HTR1E: variants seen among roughly 807,000 people sequenced by gnomAD.
HTR1E encodes the protein 5-hydroxytryptamine receptor 1E.
A neutral mutation model predicts 3.4 loss-of-function variants in HTR1E; 3 were observed. The observed-to-expected ratio is 0.89, with a 90% CI of 0.41 to 2.31. The LOEUF is 2.31. Among genes scored for constraint, HTR1E ranks in the 30% most tolerant of loss-of-function variants. The pLI is 0.05. For missense variants in HTR1E, 392 were observed against 467.0 expected, an observed-to-expected ratio of 0.84 and a Z score of 1.48; for synonymous variants, 170 against 182.8, an observed-to-expected ratio of 0.93 and a Z score of 0.56.
chr6:86,940,806 C>T (rs1335279847), intron 1 of HTR1E, among the ~76,000 whole-genome samples: 3 of 152,198 alleles, frequency 2.0e-5, no homozygotes, highest in Admixed American at 6.5e-5. Context: ...AAAAAATAAG[C>T]TTGAGACTGA....
rs147092612 is a variant in HTR1E, at chr6:86,960,499, C to A, written c.-186+22676C>A. On this transcript the variant is annotated intron_variant, in intron 1 of 1. Transcript: ENST00000305344. ...GCTTATATTTGGGGTTTACATTATT[C>A]CACCTGGTGAACTTCACCAGTTAGA... is the stretch of plus-strand genomic sequence containing the variant. Among the ~76,000 whole-genome samples, 278 of 152,254 alleles carry A rather than the reference C, an allele frequency of 1.8e-3. 2 individuals are homozygous for A. The highest frequency in any genetic ancestry group is 0.01 in the Middle Eastern group (3 of 294).
At chr6:87,014,782 C>T (rs549983251) in intron 1 of HTR1E, among the ~76,000 whole-genome samples, 2 of 152,184 alleles carry the variant, frequency 1.3e-5, no homozygotes, top group South Asian at 4.2e-4. Flanking sequence ...GGGCCGGGAA[C>T]ATGACACACC....
At chr6:86,939,700 A>T (rs1768519520) in intron 1 of HTR1E, among the ~76,000 whole-genome samples, 1 of 152,266 alleles carries the variant, frequency 6.6e-6, no homozygotes, top group South Asian at 2.1e-4. Context: ...CCACCAGCTA[A>T]CAAGTTTTAA....
intron 1 of HTR1E, among the ~76,000 whole-genome samples, chr6:86,980,319 G>A (rs986436898): frequency 1.6e-4 from 24 of 151,394 alleles, no homozygotes; most frequent in East Asian, 7.8e-4. Flanking sequence ...CCCGGGAGGC[G>A]GAGCTTGCAG....
chr6:86,966,692 A>G (rs1767476127), intron 1 of HTR1E, among the ~76,000 whole-genome samples: 1 of 152,156 alleles, frequency 6.6e-6, no homozygotes, highest in Non-Finnish European at 1.5e-5. Context: ...GGACTGATTC[A>G]GAAAAGAGGT....
intron 1 of HTR1E, among the ~76,000 whole-genome samples, chr6:87,008,756 A>C (rs1768155978): frequency 6.6e-6 from 1 of 152,196 alleles, no homozygotes; most frequent in Non-Finnish European, 1.5e-5. Flanking sequence ...TACATTTAAA[A>C]GCACCTTTTT....
intron 1 of HTR1E, among the ~76,000 whole-genome samples, chr6:86,998,148 G>A (rs1445803176): frequency 4.6e-5 from 7 of 151,996 alleles, no homozygotes; most frequent in Non-Finnish European, 7.4e-5. Flanking sequence ...TATAGTTGGA[G>A]ATTTTAACAC....
chr6:86,977,820 A>G (rs1173553940), intron 1 of HTR1E, among the ~76,000 whole-genome samples: 1 of 152,128 alleles, frequency 6.6e-6, no homozygotes, highest in Non-Finnish European at 1.5e-5. Context: ...AGTGATGTGG[A>G]GCATTTTTCC....
intron 1 of HTR1E, among the ~76,000 whole-genome samples, chr6:86,982,462 C>T (rs1016678691): frequency 1.3e-5 from 2 of 152,122 alleles, no homozygotes; most frequent in Non-Finnish European, 2.9e-5. Flanking sequence ...AGGCGATACA[C>T]CTGCAAGGAA....
chr6:87,015,717 T>C lies in HTR1E; in HGVS notation c.383T>C (p.Ile128Thr), dbSNP rs1300719194. Residue 128 changes from isoleucine (I) to threonine (T), a missense_variant, in exon 2 of 2, where the codon ATT becomes ACT. Physicochemically the swap from Ile to Thr is moderately conservative, Grantham distance 89. Coordinates refer to ENST00000305344, the MANE Select transcript of HTR1E (RefSeq NM_000865.3). ...AGGTACTGGGCCATCACCAATGCTA[T>C]TGAATACGCCAGGAAGAGGACGGCC... ...LDRYWAITNA[I>T]EYARKRTAKR... The C allele has an allele frequency of 7.4e-6, 12 of 1,612,780 alleles. No individual in the cohort carries two copies. The highest frequency in any genetic ancestry group is 2.7e-5 in the African/African-American group (2 of 74,886).
intron 1 of HTR1E, among the ~76,000 whole-genome samples, chr6:87,009,435 A>G (rs1436404264): frequency 6.6e-6 from 1 of 152,066 alleles, no homozygotes; most frequent in Non-Finnish European, 1.5e-5. Context: ...GTGCAGAACA[A>G]AATGAAAAGT....
intron 1 of HTR1E, among the ~76,000 whole-genome samples, chr6:86,998,315 A>C (rs1013946935): frequency 6.6e-6 from 1 of 152,142 alleles, no homozygotes; most frequent in African/African-American, 2.4e-5. Context: ...TCACCAAGAT[A>C]GACTACAAGC....
intron 1 of HTR1E, among the ~76,000 whole-genome samples, chr6:86,948,352 G>A (rs1220716742): frequency 1.3e-5 from 2 of 152,014 alleles, no homozygotes; most frequent in Non-Finnish European, 2.9e-5. Context: ...ATTACTATTG[G>A]ACTTTTAGGT....
chr6:86,939,658 T>C (rs564881069), intron 1 of HTR1E, among the ~76,000 whole-genome samples: 2 of 152,378 alleles, frequency 1.3e-5, no homozygotes, highest in African/African-American at 2.4e-5. Context: ...ATTATTTTTA[T>C]AATGAAGAGT....
At chr6:86,950,155 GAGTC>G (rs556508328) in intron 1 of HTR1E, among the ~76,000 whole-genome samples, 84 of 152,276 alleles carry the variant, frequency 5.5e-4, no homozygotes, top group African/African-American at 1.9e-3. Flanking sequence ...TAAATATTAA[GAGTC>G]AGGTTATTTC....
At chr6:87,015,118 C>T in intron 1 of HTR1E, 32 bp from the exon 2 acceptor site, 1 of 371,566 alleles carries the variant, frequency 2.7e-6, no homozygotes, top group Non-Finnish European at 4.8e-6. Context: ...GTGGCTTTCT[C>T]ATTCATTAAC....
At chr6:86,951,530 T>A (rs1302716313) in intron 1 of HTR1E, among the ~76,000 whole-genome samples, 2 of 152,196 alleles carry the variant, frequency 1.3e-5, no homozygotes, top group African/African-American at 4.8e-5. Flanking sequence ...TGTGACTCTA[T>A]TGATTTATAA....
At chr6:87,008,396 T>TAA in intron 1 of HTR1E, among the ~76,000 whole-genome samples, 1 of 151,826 alleles carries the variant, frequency 6.6e-6, no homozygotes, top group South Asian at 2.1e-4. Flanking sequence ...CCTGAAATAA[T>TAA]AAAAAAAAGA....
chr6:87,005,127 T>C (rs180806615), intron 1 of HTR1E, among the ~76,000 whole-genome samples: 27 of 152,238 alleles, frequency 1.8e-4, no homozygotes, highest in Admixed American at 1.7e-3. Context: ...TGTTTATGGA[T>C]TGGAAGAATA....
Sources: allele counts gnomAD v4.1 joint callset (sites outside exome capture counted in the v4.1 genomes callset), GRCh38; gene constraint gnomAD v4.1.1; transcripts MANE v1.5; gene names NCBI Gene and HGNC (gene_info 2026-07-23, HGNC 2026-07-21).